The following LINGO2 variants were observed in gnomAD, a reference collection of about 807,000 sequenced individuals.
The protein encoded by LINGO2 is leucine-rich repeat and immunoglobulin-like domain-containing nogo receptor-interacting protein 2.
A neutral mutation model predicts 30.6 loss-of-function variants in LINGO2; 14 were observed. The observed-to-expected ratio is 0.46, with a 90% CI of 0.30 to 0.72. The LOEUF is 0.72. Ranked by LOEUF, LINGO2 falls within the 30% of genes least tolerant of loss-of-function variation. The probability of loss-of-function intolerance (pLI) is 0.07; values close to 1 mark genes in which losing one functional copy is unlikely to be tolerated. For synonymous variants in LINGO2, 317 were observed against 288.5 expected, an observed-to-expected ratio of 1.10 and a Z score of -1.00; for missense variants, 729 against 751.7, an observed-to-expected ratio of 0.97 and a Z score of 0.35.
At chr9:28,845,132 G>C in the LINGO2 span, among the ~76,000 whole-genome samples, 1 of 151,810 alleles carries the variant, frequency 6.6e-6, no homozygotes, top group Non-Finnish European at 1.5e-5. Context: ...GCCCTCTTTA[G>C]ATATAGAGTG....
chr9:28,632,704 ATATT>A (rs1206617288), intron 1 of LINGO2, among the ~76,000 whole-genome samples: 12 of 138,272 alleles, frequency 8.7e-5, no homozygotes, highest in African/African-American at 3.3e-4. Context: ...ATAGATCTAT[ATATT>A]TATATATAGA....
intron 4 of LINGO2, among the ~76,000 whole-genome samples, chr9:28,267,176 A>G (rs990799437): frequency 2.0e-5 from 3 of 152,008 alleles, no homozygotes; most frequent in African/African-American, 7.2e-5. Flanking sequence ...TGATTATTTC[A>G]GGATTAAAAT....
chr9:28,874,127 A>G, the LINGO2 span, among the ~76,000 whole-genome samples: 1 of 152,070 alleles, frequency 6.6e-6, no homozygotes, highest in African/African-American at 2.4e-5. Flanking sequence ...TTGGATAAAG[A>G]GATTAAAATA....
chr9:28,554,028 C>A (rs1420548980), intron 1 of LINGO2, among the ~76,000 whole-genome samples: 1 of 152,068 alleles, frequency 6.6e-6, no homozygotes, highest in East Asian at 1.9e-4. Context: ...CAACTGGTAC[C>A]AGCCGCTGCA....
At chr9:29,059,977 A>G in the LINGO2 span, among the ~76,000 whole-genome samples, 2 of 152,102 alleles carry the variant, frequency 1.3e-5, no homozygotes, top group African/African-American at 4.8e-5. Flanking sequence ...ATTGATTACA[A>G]CTAAAAATTC....
chr9:29,061,401 T>C, the LINGO2 span, among the ~76,000 whole-genome samples: 2 of 151,758 alleles, frequency 1.3e-5, no homozygotes, highest in African/African-American at 4.8e-5. Context: ...AAAAAGAAAG[T>C]TGGAGGTCTC....
At chr9:28,905,452 A>G in the LINGO2 span, among the ~76,000 whole-genome samples, 1 of 151,790 alleles carries the variant, frequency 6.6e-6, no homozygotes, top group Non-Finnish European at 1.5e-5. Flanking sequence ...TAATAGCAAG[A>G]AAAAAAATAA....
chr9:29,092,320 T>C, the LINGO2 span, among the ~76,000 whole-genome samples: 1 of 151,882 alleles, frequency 6.6e-6, no homozygotes, highest in Non-Finnish European at 1.5e-5. Context: ...GACAACACAA[T>C]CAATTAATAA....
intron 4 of LINGO2, among the ~76,000 whole-genome samples, chr9:28,126,431 T>C (rs2133421608): frequency 6.6e-6 from 1 of 150,598 alleles, no homozygotes; most frequent in Admixed American, 6.6e-5. Flanking sequence ...TAACAAAGAG[T>C]TGTATATGGA....
the LINGO2 span, among the ~76,000 whole-genome samples, chr9:28,687,987 A>G: frequency 6.6e-6 from 1 of 152,170 alleles, no homozygotes; most frequent in South Asian, 2.1e-4. Flanking sequence ...AAACAGAGAA[A>G]AAAAGTAAAC....
chr9:28,271,735 G>A (rs930036836), intron 4 of LINGO2, among the ~76,000 whole-genome samples: 3 of 152,134 alleles, frequency 2.0e-5, no homozygotes, highest in African/African-American at 7.2e-5. Flanking sequence ...TACCCACTGC[G>A]ATGCCTTAAG....
the LINGO2 span, among the ~76,000 whole-genome samples, chr9:29,195,554 A>G: frequency 2.6e-5 from 4 of 152,094 alleles, no homozygotes; most frequent in African/African-American, 7.2e-5. Context: ...GCCAATTTAC[A>G]TTCTCACCAA....
At chr9:28,850,809 A>G in the LINGO2 span, among the ~76,000 whole-genome samples, 3 of 152,000 alleles carry the variant, frequency 2.0e-5, no homozygotes, top group Non-Finnish European at 1.5e-5. Context: ...GGAGCATCCA[A>G]TGAGTCTCTG....
intron 1 of LINGO2, among the ~76,000 whole-genome samples, chr9:28,545,258 G>T (rs1383941333): frequency 6.6e-6 from 1 of 152,044 alleles, no homozygotes; most frequent in Non-Finnish European, 1.5e-5. Context: ...TAATTAAGAA[G>T]AGTTCCATGA....
chr9:28,135,749 A>G (rs887455755), intron 4 of LINGO2, among the ~76,000 whole-genome samples: 8 of 152,128 alleles, frequency 5.3e-5, no homozygotes, highest in African/African-American at 1.7e-4. Flanking sequence ...AACTTCCTGC[A>G]GCTGATGAGT....
At chr9:29,195,340 T>G in the LINGO2 span, among the ~76,000 whole-genome samples, 1 of 141,890 alleles carries the variant, frequency 7.0e-6, no homozygotes, top group East Asian at 2.2e-4. Flanking sequence ...ATTAACACTT[T>G]AATATTGTGT....
chr9:28,367,282 C>A (rs6476059), intron 3 of LINGO2, among the ~76,000 whole-genome samples: 150,090 of 152,286 alleles, frequency 0.99, 74,001 homozygotes, highest in Middle Eastern at 1. Context: ...CAGAACTGAA[C>A]ATCTTCTCTT....
intron 1 of LINGO2, among the ~76,000 whole-genome samples, chr9:28,531,367 C>T (rs1821231695): frequency 6.6e-6 from 1 of 152,086 alleles, no homozygotes; most frequent in South Asian, 2.1e-4. Context: ...CTCTTTTTCT[C>T]CCCAAGTTTC....
At chr9:28,940,307 A>T in the LINGO2 span, among the ~76,000 whole-genome samples, 1 of 152,158 alleles carries the variant, frequency 6.6e-6, no homozygotes, top group South Asian at 2.1e-4. Context: ...GCCTTCAAAA[A>T]TGCCTACTTG....
Sources: allele counts gnomAD v4.1 joint callset (sites outside exome capture counted in the v4.1 genomes callset), GRCh38; gene constraint gnomAD v4.1.1; transcripts MANE v1.5; gene names NCBI Gene and HGNC (gene_info 2026-07-23, HGNC 2026-07-21).